Variants in SORCS1 observed in about 807,000 individuals in gnomAD.
SORCS1 encodes the protein VPS10 domain-containing receptor SorCS1.
In SORCS1, 60 loss-of-function variants were observed where a neutral mutation model predicts 146.1. The ratio of observed to expected loss-of-function variants is 0.41; its 90% CI spans 0.33 to 0.51. The LOEUF (loss-of-function observed/expected upper bound fraction) is 0.51, where lower values mean the gene tolerates loss of function less well. Among genes scored for constraint, SORCS1 ranks in the 20% least tolerant of loss-of-function variants. The pLI, the probability that SORCS1 is intolerant of heterozygous loss-of-function variation, is 0.21. For missense variants in SORCS1, 1,352 were observed against 1,487.6 expected, an observed-to-expected ratio of 0.91 and a Z score of 1.50; for synonymous variants, 637 against 584.0, an observed-to-expected ratio of 1.09 and a Z score of -1.31.
upstream of SORCS1, among the ~76,000 whole-genome samples, chr10:107,167,548 CA>C (rs550432888): frequency 2.9e-3 from 435 of 152,222 alleles, 4 homozygotes; most frequent in African/African-American, 1.0e-2. Context: ...TCTTACTGCT[CA>C]CTCTACTCCA....
At chr10:107,174,628 A>G in the SORCS1 span, among the ~76,000 whole-genome samples, 2 of 152,130 alleles carry the variant, frequency 1.3e-5, no homozygotes, top group Admixed American at 6.5e-5. Flanking sequence ...TTAATTTTAT[A>G]TTGACCTTAT....
intron 18 of SORCS1, among the ~76,000 whole-genome samples, chr10:106,647,007 GTATATATATA>G (rs57891596): frequency 0.023 from 3,093 of 134,176 alleles, 120 homozygotes; most frequent in African/African-American, 0.078. Context: ...GTTTGTATGT[GTATATATATA>G]TATATATATA....
intron 1 of SORCS1, among the ~76,000 whole-genome samples, chr10:106,972,239 G>A (rs888282175): frequency 1.8e-4 from 28 of 151,648 alleles, no homozygotes; most frequent in East Asian, 1.2e-3. Flanking sequence ...AAAATTAGCC[G>A]GGCATGGTGG....
At chr10:106,760,366 C>T (rs947805323) in intron 5 of SORCS1, among the ~76,000 whole-genome samples, 9 of 147,390 alleles carry the variant, frequency 6.1e-5, no homozygotes, top group Non-Finnish European at 1.2e-4. Context: ...ATGGCGTGAA[C>T]CTGGGAGGCA....
At position 106,743,936 on chromosome 10, in the gene SORCS1, G is replaced by A. The variant is rs544672636; in HGVS notation, c.960-13822C>T. ...CAGTACTTTTTCAGTGTTCGTGTAG[G>A]CACTCCTTTTTCTTTTTAAGACTTT... On this transcript the variant is annotated intron_variant, in intron 5 of 25. Transcript: ENST00000263054. 3.3e-5 allele frequency among the ~76,000 whole-genome samples: 5 copies of A among 152,004 alleles called. No homozygotes were observed. The South Asian group carries it at 1.0e-3, about 32-fold the overall frequency.
At position 107,103,865 on chromosome 10, in the gene SORCS1, C is replaced by T. The variant is rs994670851; in HGVS notation, c.558+60104G>A. Among the ~76,000 whole-genome samples the T allele has an allele frequency of 8.5e-5, 13 of 152,250 alleles. No individual in the cohort carries two copies. The East Asian group carries it at 1.5e-3, about 18-fold the overall frequency. ...CCTCCTAAGCACCCGTGGCCACTGC[C>T]GTGGGCTTCATTTTAGAGCCAGGAA... On this transcript the variant is annotated intron_variant, in intron 1 of 25. Coordinates refer to ENST00000263054, the MANE Select transcript of SORCS1 (RefSeq NM_052918.5).
In SORCS1 at chr10:107,134,514, C is replaced by T. The variant is rs374065614; in HGVS notation, c.558+29455G>A. 1.7e-3 allele frequency among the ~76,000 whole-genome samples: 253 copies of T among 152,170 alleles called. 2 individuals are homozygous for T. Among genetic ancestry groups the T allele is most frequent in the African/African-American group, 5.7e-3 (238 of 41,520 alleles). On this transcript the variant is annotated intron_variant, in intron 1 of 25. Coordinates refer to ENST00000263054, the MANE Select transcript of SORCS1 (RefSeq NM_052918.5). ...ATTATCTGGACGTGGTGGCACGTGC[C>T]TATAGTCCCAGCTACTTGGGAGGCT...
At chr10:106,773,867 TGAA>T (rs1860220172) in intron 4 of SORCS1, among the ~76,000 whole-genome samples, 1 of 151,972 alleles carries the variant, frequency 6.6e-6, no homozygotes. Context: ...GAGAATCGCC[TGAA>T]CCCTGGAGGC....
intron 23 of SORCS1, among the ~76,000 whole-genome samples, chr10:106,599,419 AGGAGAAGT>A (rs1846103675): frequency 6.6e-6 from 1 of 151,362 alleles, no homozygotes; most frequent in African/African-American, 2.4e-5. Context: ...GGGAAGGAGA[AGGAGAAGT>A]GGAGAAGTGG....
chr10:107,087,169 G>A (rs955105035), intron 1 of SORCS1, among the ~76,000 whole-genome samples: 1 of 152,150 alleles, frequency 6.6e-6, no homozygotes, highest in African/African-American at 2.4e-5. Context: ...TGTCTTTGGT[G>A]AGACAAAATA....
At chr10:106,937,972 GAAAAAAAAA>G (rs76116094) in intron 2 of SORCS1, among the ~76,000 whole-genome samples, 1 of 129,174 alleles carries the variant, frequency 7.7e-6, no homozygotes, top group African/African-American at 3.0e-5. Context: ...TCAAAAAGAA[GAAAAAAAAA>G]AAAAAAAAAG....
At chr10:106,731,725 A>G (rs1416618815) in intron 5 of SORCS1, among the ~76,000 whole-genome samples, 1 of 152,166 alleles carries the variant, frequency 6.6e-6, no homozygotes. Context: ...CACACACAAC[A>G]CACAAATACA....
rs376303940 is a variant in SORCS1 at position 106,930,231 on chromosome 10, G to A, written c.626+26282C>T. ...CGGGAAGCGGAGCTTGCAGTGAGCC[G>A]AGATCGTGCCACTGCACCCCAGCCT... On this transcript the variant is annotated intron_variant, in intron 2 of 25. Transcript: ENST00000263054. 7.2e-5 allele frequency among the ~76,000 whole-genome samples: 11 copies of A among 152,052 alleles called. No homozygotes were observed. The East Asian group carries it at 1.7e-3, about 24-fold the overall frequency.
intron 1 of SORCS1, among the ~76,000 whole-genome samples, chr10:107,077,096 T>C (rs1590080701): frequency 6.6e-6 from 1 of 152,156 alleles, no homozygotes; most frequent in Non-Finnish European, 1.5e-5. Flanking sequence ...TCTTCCTTCA[T>C]ACTTTCAGAC....
intron 3 of SORCS1, among the ~76,000 whole-genome samples, chr10:106,814,905 A>T (rs1589456439): frequency 1.3e-5 from 1 of 77,950 alleles, no homozygotes; most frequent in Non-Finnish European, 2.3e-5. Flanking sequence ...ACAGAGCGAG[A>T]CTCCATCTCA....
intron 2 of SORCS1, among the ~76,000 whole-genome samples, chr10:106,905,458 C>G (rs1051176129): frequency 1.3e-5 from 2 of 151,984 alleles, no homozygotes; most frequent in African/African-American, 4.8e-5. Flanking sequence ...AATTGTGGAG[C>G]AAGACTATAA....
chr10:106,791,071 A>T (rs1458125588), intron 3 of SORCS1, among the ~76,000 whole-genome samples: 3 of 152,190 alleles, frequency 2.0e-5, no homozygotes, highest in Non-Finnish European at 4.4e-5. Flanking sequence ...ACATATACAT[A>T]AATGTTTATG....
intron 3 of SORCS1, among the ~76,000 whole-genome samples, chr10:106,785,116 T>C (rs1041547374): frequency 2.0e-5 from 3 of 152,318 alleles, no homozygotes; most frequent in Middle Eastern, 3.4e-3. Flanking sequence ...CTGAGGGCTC[T>C]TGGGGAACAG....
At chr10:107,177,800 A>G in the SORCS1 span, among the ~76,000 whole-genome samples, 6 of 152,228 alleles carry the variant, frequency 3.9e-5, no homozygotes. Flanking sequence ...GTACATATAC[A>G]CTGTGGAATA....
Sources: gnomAD v4.1 joint callset for allele counts (sites outside exome capture counted in the v4.1 genomes callset) on GRCh38, gnomAD v4.1.1 for gene constraint, MANE v1.5 for transcripts, NCBI Gene and HGNC (gene_info 2026-07-23, HGNC 2026-07-21) for gene names.